The following TNIP1 variants were observed in gnomAD, a reference collection of about 807,000 sequenced individuals.
TNIP1 encodes the protein TNFAIP3 interacting protein 1.
TNIP1 carries 22 observed loss-of-function variants against 86.6 expected under a neutral mutation model. The observed-to-expected ratio is 0.25, with a 90% CI of 0.18 to 0.36. TNIP1 has a LOEUF of 0.36. Among genes scored for constraint, TNIP1 ranks in the 10% least tolerant of loss-of-function variants. The pLI, the probability that TNIP1 is intolerant of heterozygous loss-of-function variation, is 1.00. For missense variants in TNIP1, 709 were observed against 820.6 expected (o/e 0.86, Z 1.66); for synonymous variants, 294 against 313.0 (o/e 0.94, Z 0.64).
In TNIP1 at chr5:151,065,636, GA is replaced by G. The variant is rs535728737; in HGVS notation, c.-36-506del. Among the ~76,000 whole-genome samples the G allele has an allele frequency of 2.4e-3, 368 of 152,304 alleles. 2 individuals are homozygous for G. The highest frequency in any genetic ancestry group is 8.6e-3 in the African/African-American group (359 of 41,574). On this transcript the variant is annotated intron_variant, in intron 1 of 17. Transcript: ENST00000521591. ...CTTCCCCTCTCTGAGGGAGGGAAAT[GA>G]AAGTCTTAAGTTAATTTAGTAATCT...
chr5:151,079,789 A>G (rs1763802359), intron 1 of TNIP1, among the ~76,000 whole-genome samples: 3 of 152,060 alleles, frequency 2.0e-5, no homozygotes, highest in African/African-American at 7.3e-5. Flanking sequence ...TCCTAATACA[A>G]TTCTACCCTC....
intron 3 of TNIP1, 84 bp from the exon 4 acceptor site, chr5:151,062,296 A>T: frequency 1.6e-6 from 2 of 1,272,436 alleles, no homozygotes; most frequent in Non-Finnish European, 2.3e-6. Flanking sequence ...CCCTTGACAA[A>T]AGGGTTCTCA....
chr5:151,046,211 C>T (rs1481295833), intron 8 of TNIP1: 3 of 503,314 alleles, frequency 6.0e-6, no homozygotes, highest in Admixed American at 3.4e-5. Context: ...TACGGTCATT[C>T]TCCCTGTTTA....
chr5:151,037,428 C>T (rs1315772561), intron 12 of TNIP1: 1 of 152,416 alleles, frequency 6.6e-6, no homozygotes, highest in Non-Finnish European at 1.5e-5. Flanking sequence ...CTTTCAGCAA[C>T]CCATTCCCAT....
At chr5:151,059,817 GAGAGA>G (rs1761205571) in intron 5 of TNIP1, among the ~76,000 whole-genome samples, 1 of 109,854 alleles carries the variant, frequency 9.1e-6, no homozygotes, top group African/African-American at 4.5e-5. Flanking sequence ...GAGAGAGAGA[GAGAGA>G]GAGAGAGTGT....
intron 1 of TNIP1, among the ~76,000 whole-genome samples, chr5:151,076,291 A>G (rs1310086754): frequency 6.6e-6 from 1 of 152,160 alleles, no homozygotes; most frequent in East Asian, 1.9e-4. Flanking sequence ...GGATGCCTGG[A>G]TACCCTCCCT....
intron 1 of TNIP1, among the ~76,000 whole-genome samples, chr5:151,078,951 T>TG (rs975916455): frequency 5.3e-5 from 8 of 152,102 alleles, no homozygotes; most frequent in Admixed American, 2.0e-4. Flanking sequence ...CAGGCAGCAC[T>TG]GGGGGTAAGG....
chr5:151,060,224 G>A (rs1225339457), intron 5 of TNIP1, 94 bp downstream of exon 5: 1 of 1,345,656 alleles, frequency 7.4e-7, no homozygotes, highest in East Asian at 2.3e-5. Flanking sequence ...GTACCTAAGG[G>A]ATCTGAACAG....
intron 1 of TNIP1, among the ~76,000 whole-genome samples, chr5:151,067,082 G>A (rs1762321398): frequency 6.6e-6 from 1 of 152,206 alleles, no homozygotes; most frequent in African/African-American, 2.4e-5. Context: ...GCCCTGCTGA[G>A]CCTGCGAGGC....
intron 8 of TNIP1, among the ~76,000 whole-genome samples, chr5:151,047,709 A>G (rs1436372107): frequency 9.9e-5 from 15 of 152,152 alleles, no homozygotes; most frequent in Admixed American, 9.8e-4. Flanking sequence ...AAAGGTTAAA[A>G]AAAAAAATAG....
intron 16 of TNIP1, 197 bp from the exon 17 acceptor site, chr5:151,032,580 G>C (rs977006281): frequency 3.8e-5 from 23 of 610,108 alleles, no homozygotes; most frequent in Non-Finnish European, 6.4e-5. Context: ...ATCTAGCAAG[G>C]AGAATGGCTA....
At chr5:151,059,869 G>GCGCA (rs1207177782) in intron 5 of TNIP1, among the ~76,000 whole-genome samples, 3 of 29,096 alleles carry the variant, frequency 1.0e-4, no homozygotes, top group Non-Finnish European at 1.4e-4. Context: ...GTGTGTGTGC[G>GCGCA]CGCGCGCGCG....
chr5:151,052,193 G>C lies in TNIP1; in HGVS notation c.694C>G (p.Gln232Glu). 1 of 1,614,050 alleles carries C rather than the reference G, an allele frequency of 6.2e-7. No homozygotes were observed. The highest frequency in any genetic ancestry group is 8.5e-7 in the Non-Finnish European group (1 of 1,180,004). Residue 232 changes from glutamine (Q) to glutamate (E), a missense_variant, in exon 7 of 18, where the codon CAG becomes GAG. By Grantham distance (29) the Gln-to-Glu change is conservative (BLOSUM62 2). Coordinates refer to ENST00000521591, the MANE Select transcript of TNIP1 (RefSeq NM_006058.5). ...AGCCTCTCGGCAGCCTGATCCCGCT[G>C]TTCCAGGCCCTTATCCAACTTGGCC... The part of the protein sequence containing the change: ...LKAKLDKGLE[Q>E]RDQAAERLRE...
intron 1 of TNIP1, among the ~76,000 whole-genome samples, 165 bp from the exon 2 acceptor site, chr5:151,065,296 C>T (rs1762095835): frequency 6.6e-6 from 1 of 152,240 alleles, no homozygotes; most frequent in African/African-American, 2.4e-5. Context: ...TCTGGACGCT[C>T]TGCCTCTATT....
intron 13 of TNIP1, among the ~76,000 whole-genome samples, chr5:151,036,296 G>A (rs1180565553): frequency 6.6e-6 from 1 of 152,162 alleles, no homozygotes; most frequent in South Asian, 2.1e-4. Context: ...GTCCCTCAGG[G>A]CTAGTAGGTC....
intron 12 of TNIP1, 111 bp from the exon 13 acceptor site, chr5:151,037,032 C>G: frequency 3.1e-6 from 4 of 1,301,450 alleles, no homozygotes; most frequent in Non-Finnish European, 4.1e-6. Flanking sequence ...CTAATAATAG[C>G]CACCACTACC....
At chr5:151,034,861 C>G in intron 15 of TNIP1, 141 bp downstream of exon 15, 1 of 868,722 alleles carries the variant, frequency 1.2e-6, no homozygotes, top group Non-Finnish European at 1.9e-6. Flanking sequence ...CAATACTGCT[C>G]TAAGGCTTTT....
Position 151,055,613 on chromosome 5 carries a change from C to T in TNIP1, c.627+1153G>A, listed in dbSNP as rs532988731. Among the ~76,000 whole-genome samples, 8 of 152,318 alleles carry T rather than the reference C, an allele frequency of 5.3e-5. 1 individual carries two copies. The highest frequency in any genetic ancestry group is 1.7e-4 in the African/African-American group (7 of 41,574). On this transcript the variant is annotated intron_variant, in intron 6 of 17. Transcript: ENST00000521591. ...CCCTCCAGGTGGGATGGGCATCCTCCGTGCTCCTCTACCCCCACACCTCTC... is the reference window on the plus strand; with the variant it reads ...CCCTCCAGGTGGGATGGGCATCCTCTGTGCTCCTCTACCCCCACACCTCTC...
chr5:151,052,511 C>T (rs1483673145), intron 6 of TNIP1, among the ~76,000 whole-genome samples: 1 of 152,226 alleles, frequency 6.6e-6, no homozygotes, highest in East Asian at 1.9e-4. Flanking sequence ...CCAAGACAGA[C>T]AGCTCCATCC....
Sources: allele counts gnomAD v4.1 joint callset (sites outside exome capture counted in the v4.1 genomes callset), GRCh38; gene constraint gnomAD v4.1.1; transcripts MANE v1.5; gene names NCBI Gene and HGNC (gene_info 2026-07-23, HGNC 2026-07-21).